Variants in GPC4 observed in about 807,000 individuals in gnomAD.
GPC4 encodes the protein glypican-4.
A neutral mutation model predicts 35.0 loss-of-function variants in GPC4; 10 were observed. The ratio of observed to expected loss-of-function variants is 0.29; its 90% confidence interval spans 0.18 to 0.48. The LOEUF (loss-of-function observed/expected upper bound fraction) is 0.48. Ranked by LOEUF, GPC4 falls within the 20% of genes least tolerant of loss-of-function variation. GPC4 has a pLI of 0.99. For missense variants in GPC4, 322 were observed against 451.3 expected (o/e 0.71, Z 2.60); for synonymous variants, 167 against 170.2 (o/e 0.98, Z 0.15).
chrX:133,308,522 A>G (rs748725739), intron 4 of GPC4, among the ~76,000 whole-genome samples: 1 of 111,812 alleles, frequency 8.9e-6, no homozygotes, highest in Non-Finnish European at 1.9e-5. Context: ...GTCTTATAAA[A>G]CCAAGTTCTA....
At chrX:133,374,661 T>C (rs1474902343) in intron 1 of GPC4, among the ~76,000 whole-genome samples, 1 of 111,835 alleles carries the variant, frequency 8.9e-6, no homozygotes, top group African/African-American at 3.3e-5. Flanking sequence ...ACAATGTGAT[T>C]CTTAATTATG....
At chrX:133,413,919 C>A (rs1480710559) in intron 1 of GPC4, among the ~76,000 whole-genome samples, 1 of 111,015 alleles carries the variant, frequency 9.0e-6, no homozygotes, top group African/African-American at 3.3e-5. Context: ...CCCCATCCCA[C>A]CCCACCGGCG....
Position 133,305,875 on chromosome X carries a change from C to T in GPC4, c.1052G>A (p.Arg351Gln), listed in dbSNP as rs778935883. 4 of 1,211,463 alleles carry T rather than the reference C, an allele frequency of 3.3e-6. No individual in the cohort carries two copies. Among genetic ancestry groups the T allele is most frequent in the East Asian group, 3.0e-5 (1 of 33,809 alleles). Residue 351 changes from arginine (R) to glutamine (Q), a missense_variant, in exon 6 of 9, where the codon CGA (arginine) becomes CAA (glutamine). Around this residue, in one of 3 missense-constraint regions of GPC4, gnomAD observed 163 missense variants for 277.2 expected, o/e 0.59. Transcript: ENST00000370828. ...ACTTTCAGAGATGGAACGAGAAATT[C>T]GTCCAGCTGGGAGGGGCTTGGGGGG... ...CGPPKPLPAG[R>Q]ISRSISESAF... is the part of the protein sequence containing the mutation.
chrX:133,376,713 T>C (rs943186734), intron 1 of GPC4, among the ~76,000 whole-genome samples: 6 of 112,042 alleles, frequency 5.4e-5, no homozygotes, highest in Admixed American at 1.9e-4. Context: ...GACAGCCCCA[T>C]CCCCTTGCAC....
intron 1 of GPC4, among the ~76,000 whole-genome samples, chrX:133,375,203 T>C (rs898697520): frequency 2.7e-5 from 3 of 112,044 alleles, no homozygotes; most frequent in Non-Finnish European, 5.6e-5. Flanking sequence ...GTACTCCTGG[T>C]ATGTGTATAT....
intron 2 of GPC4, among the ~76,000 whole-genome samples, chrX:133,334,611 G>A (rs1468614713): frequency 9.0e-6 from 1 of 111,343 alleles, no homozygotes; most frequent in Non-Finnish European, 1.9e-5. Flanking sequence ...ATTGAAAAGG[G>A]TTTTAGAGAG....
chrX:133,317,776 C>T (rs917499546), intron 3 of GPC4, among the ~76,000 whole-genome samples: 3 of 111,748 alleles, frequency 2.7e-5, no homozygotes, highest in East Asian at 5.6e-4. Context: ...CCCAGAATTA[C>T]GGTAAGAGTG....
At chrX:133,319,443 CA>C (rs369290840) in intron 3 of GPC4, among the ~76,000 whole-genome samples, 495 of 16,857 alleles carry the variant, frequency 0.029, 1 homozygote, top group African/African-American at 0.075. Flanking sequence ...GACCCTATGT[CA>C]AAAAAAAAAA....
At chrX:133,339,104 C>T (rs1367533444) in intron 2 of GPC4, 79 bp downstream of exon 2, 3 of 1,003,960 alleles carry the variant, frequency 3.0e-6, no homozygotes, top group Admixed American at 4.8e-5. Context: ...AACTTAAGCA[C>T]TGAGGGAGCA....
chrX:133,332,073 A>G (rs1413320518), intron 2 of GPC4, among the ~76,000 whole-genome samples: 1 of 111,970 alleles, frequency 8.9e-6, no homozygotes, highest in Non-Finnish European at 1.9e-5. Flanking sequence ...AATTTTCTAC[A>G]GTGAGCACTG....
At chrX:133,304,573 G>T in intron 7 of GPC4, 152 bp downstream of exon 7, 1 of 609,960 alleles carries the variant, frequency 1.6e-6, no homozygotes. Flanking sequence ...TGCAAAGCCT[G>T]TTCCTAAGAA....
At position 133,390,797 on chromosome X, in the gene GPC4, C is replaced by T. The variant is rs576148349; in HGVS notation, c.160+24009G>A. Among the ~76,000 whole-genome samples the T allele has an allele frequency of 1.2e-4, 13 of 111,629 alleles. No homozygotes were observed. In the South Asian group the frequency reaches 3.8e-3, roughly 33 times the overall value. The stretch of plus-strand genomic sequence containing the variant: ...ATCCTAGTAATATAATCAAGTTTAA[C>T]GCCCTCCTTTCATGAACACCGGGAA... On this transcript the variant is annotated intron_variant, in intron 1 of 8. Transcript: ENST00000370828.
In GPC4 at chrX:133,300,595, CA is replaced by C; in HGVS notation, c.*2271del. The C allele has an allele frequency of 9.0e-6, 1 of 111,098 alleles. No homozygotes were observed. Among genetic ancestry groups the C allele is most frequent in the East Asian group, 2.8e-4 (1 of 3,555 alleles). The allele number at this position is 111,098 out of a possible 1,213,427, so 9.2% of individuals were successfully genotyped here. A position where few individuals can be genotyped will look rare whatever the true frequency, so the allele number is the denominator to read the frequency against. On this transcript the variant is annotated 3_prime_UTR_variant, in exon 9 of 9. Coordinates refer to ENST00000370828, the MANE Select transcript of GPC4 (RefSeq NM_001448.3). ...TTATTTCATAGTTGAAGTTCAAAAG[CA>C]AGAGACAATTTAAATAATAAAAGAG...
intron 2 of GPC4, among the ~76,000 whole-genome samples, chrX:133,333,699 G>A (rs73239379): frequency 0.062 from 6,984 of 112,636 alleles, 255 homozygotes; most frequent in Non-Finnish European, 0.098. Context: ...GCATAATCTG[G>A]AAGAAACACT....
chrX:133,387,540 T>A (rs944720126), intron 1 of GPC4, among the ~76,000 whole-genome samples: 14 of 111,353 alleles, frequency 1.3e-4, no homozygotes, highest in Admixed American at 5.8e-4. Context: ...GAAAACTAAA[T>A]GAGATTTTCA....
At chrX:133,357,455 A>T (rs1417540718) in intron 1 of GPC4, among the ~76,000 whole-genome samples, 1 of 108,506 alleles carries the variant, frequency 9.2e-6, no homozygotes, top group Non-Finnish European at 1.9e-5. Flanking sequence ...TGGCATCATC[A>T]TAGCTCACTG....
At chrX:133,386,226 C>A (rs1489236850) in intron 1 of GPC4, among the ~76,000 whole-genome samples, 1 of 95,661 alleles carries the variant, frequency 1.0e-5, no homozygotes, top group Non-Finnish European at 2.0e-5. Flanking sequence ...CAGAAAGAGA[C>A]CCTGTCTCAA....
At chrX:133,356,912 T>C (rs2068544000) in intron 1 of GPC4, among the ~76,000 whole-genome samples, 1 of 111,169 alleles carries the variant, frequency 9.0e-6, no homozygotes, top group Non-Finnish European at 1.9e-5. Flanking sequence ...ATTTACTATC[T>C]AACTACATAC....
chrX:133,393,653 A>T (rs2068729944), intron 1 of GPC4, among the ~76,000 whole-genome samples: 1 of 110,589 alleles, frequency 9.0e-6, no homozygotes, highest in Admixed American at 9.8e-5. Context: ...CTTCCTTTCA[A>T]CCTTCTGAAA....
Sources: allele counts gnomAD v4.1 joint callset (sites outside exome capture counted in the v4.1 genomes callset), GRCh38; gene constraint gnomAD v4.1.1; regional missense constraint gnomAD v4.1.1; transcripts MANE v1.5; gene names NCBI Gene and HGNC (gene_info 2026-07-23, HGNC 2026-07-21).